PTBP3: variants seen among roughly 807,000 people sequenced by gnomAD.
PTBP3 encodes polypyrimidine tract binding protein 3, also known as polypyrimidine tract-binding protein 3.
In PTBP3, 20 loss-of-function variants were observed where a neutral mutation model predicts 58.7. The observed-to-expected ratio is 0.34, with a 90% CI of 0.24 to 0.50. The LOEUF (loss-of-function observed/expected upper bound fraction) is 0.50. PTBP3 is among the 20% of genes least tolerant of loss of function. The pLI is 0.98. For synonymous variants in PTBP3, 185 were observed against 219.8 expected, an observed-to-expected ratio of 0.84 and a Z score of 1.40; for missense variants, 509 against 637.2, an observed-to-expected ratio of 0.80 and a Z score of 2.17.
At chr9:112,340,608 T>C in the PTBP3 span, among the ~76,000 whole-genome samples, 129,162 of 152,222 alleles carry the variant, frequency 0.85, 55,229 homozygotes, top group African/African-American at 0.95. Flanking sequence ...TAGGGCCGGG[T>C]GCAGTGGCTC....
At chr9:112,319,953 A>T (rs1015881804) in intron 1 of PTBP3, among the ~76,000 whole-genome samples, 5 of 152,184 alleles carry the variant, frequency 3.3e-5, no homozygotes, top group African/African-American at 1.2e-4. Flanking sequence ...GATCCCACTT[A>T]CACGCAGAAT....
intron 2 of PTBP3, among the ~76,000 whole-genome samples, chr9:112,295,533 T>C (rs10981347): frequency 2.0e-5 from 3 of 148,944 alleles, no homozygotes; most frequent in Non-Finnish European, 4.4e-5. Flanking sequence ...CTAGCTATAA[T>C]GAAGAACAGA....
At chr9:112,257,669 G>A (rs1297571124) in intron 5 of PTBP3, among the ~76,000 whole-genome samples, 2 of 152,198 alleles carry the variant, frequency 1.3e-5, no homozygotes, top group African/African-American at 4.8e-5. Context: ...GCGAGGCGCA[G>A]TGGCTCATGC....
intron 1 of PTBP3, among the ~76,000 whole-genome samples, chr9:112,322,152 A>AG (rs1829980084): frequency 6.6e-6 from 1 of 151,500 alleles, no homozygotes; most frequent in South Asian, 2.1e-4. Flanking sequence ...AAAAAAAAAA[A>AG]AAAAGAAAGG....
chr9:112,264,417 T>C lies in PTBP3; in HGVS notation c.352-1818A>G, dbSNP rs1054327909. On this transcript the variant is annotated intron_variant, in intron 4 of 13. Transcript: ENST00000374257. ...GCTGTATCTCAGAATATGACCTAAA[T>C]TTTACAGTTGTGACTTTAGTTTAAA... Among the ~76,000 whole-genome samples the C allele has an allele frequency of 5.9e-5, 9 of 152,198 alleles. No homozygotes were observed. In the East Asian group the frequency reaches 1.5e-3, roughly 26 times the overall value.
In PTBP3 at chr9:112,220,134, T is replaced by C; in HGVS notation, c.*3717A>G. 3 of 1,294,430 alleles carry C rather than the reference T, an allele frequency of 2.3e-6. No homozygotes were observed. The highest frequency in any genetic ancestry group is 3.0e-6 in the Non-Finnish European group (3 of 991,390). The allele number at this position is 1,294,430 out of a possible 1,614,324, so 80.2% of individuals were successfully genotyped here. On this transcript the variant is annotated 3_prime_UTR_variant, in exon 14 of 14. Coordinates refer to ENST00000374257, the MANE Select transcript of PTBP3 (RefSeq NM_001163788.4). ...TAAAAATAGCAGTACACATTAGGTT[T>C]TCTAAGGGATAGGTGGGGAAAAACA...
At chr9:112,256,532 A>AT (rs945757772) in intron 5 of PTBP3, among the ~76,000 whole-genome samples, 12 of 150,812 alleles carry the variant, frequency 8.0e-5, no homozygotes, top group Non-Finnish European at 1.5e-4. Flanking sequence ...GCAATATGCA[A>AT]TTTTTTTTTC....
At chr9:112,250,810 T>C in intron 7 of PTBP3, 119 bp downstream of exon 7, 1 of 1,030,624 alleles carries the variant, frequency 9.7e-7, no homozygotes, top group Non-Finnish European at 1.3e-6. Context: ...GATTCTTGCT[T>C]TCCTTTATAA....
chr9:112,263,519 G>A (rs1380608120), intron 4 of PTBP3, among the ~76,000 whole-genome samples: 1 of 152,148 alleles, frequency 6.6e-6, no homozygotes, highest in Non-Finnish European at 1.5e-5. Flanking sequence ...GAATCACAAG[G>A]AAACATCAGA....
At chr9:112,305,533 G>A (rs1331223677) in intron 1 of PTBP3, among the ~76,000 whole-genome samples, 2 of 152,138 alleles carry the variant, frequency 1.3e-5, no homozygotes, top group Non-Finnish European at 2.9e-5. Flanking sequence ...CTGATGCTGG[G>A]GAAGTAATGT....
At chr9:112,278,220 A>G (rs1260692323) in intron 2 of PTBP3, among the ~76,000 whole-genome samples, 1 of 152,210 alleles carries the variant, frequency 6.6e-6, no homozygotes, top group African/African-American at 2.4e-5. Context: ...GACACTGACA[A>G]TGTAAATTTA....
At chr9:112,315,350 A>T (rs1829659675) in intron 1 of PTBP3, among the ~76,000 whole-genome samples, 1 of 152,194 alleles carries the variant, frequency 6.6e-6, no homozygotes, top group African/African-American at 2.4e-5. Flanking sequence ...AAATATTTAT[A>T]AATTAAACAC....
intron 1 of PTBP3, chr9:112,330,427 T>C: frequency 6.7e-7 from 1 of 1,493,082 alleles, no homozygotes; most frequent in Non-Finnish European, 9.2e-7. Flanking sequence ...GAAAGGATAG[T>C]AAAAGATTCC....
At chr9:112,332,806 T>A (rs1183030430) in intron 1 of PTBP3, 1 of 1,612,598 alleles carries the variant, frequency 6.2e-7, no homozygotes, top group Admixed American at 1.7e-5. Flanking sequence ...TTCATTAAGT[T>A]TCTTGGGGAG....
intron 1 of PTBP3, among the ~76,000 whole-genome samples, chr9:112,305,755 AC>A (rs1271419931): frequency 5.9e-5 from 9 of 152,244 alleles, no homozygotes; most frequent in South Asian, 2.1e-4. Flanking sequence ...CCTGGCTGAC[AC>A]GGTGTAACCC....
At chr9:112,338,272 A>G (rs1359625853), upstream of PTBP3, among the ~76,000 whole-genome samples, 4 of 151,482 alleles carry the variant, frequency 2.6e-5, no homozygotes, top group African/African-American at 9.7e-5. Flanking sequence ...TGGTTATACA[A>G]ATCTACACAT....
At position 112,280,421 on chromosome 9, in the gene PTBP3, T is replaced by C. The variant is rs79551358; in HGVS notation, c.35-4408A>G. Reference sequence around the variant, plus strand: ...TAGCCAGGATTTTCTGTCTGCAAAATGTTGAATAGAATCAATAAGACTAGG... The same window carrying C: ...TAGCCAGGATTTTCTGTCTGCAAAACGTTGAATAGAATCAATAAGACTAGG... On this transcript the variant is annotated intron_variant, in intron 2 of 13. Coordinates refer to ENST00000374257, the MANE Select transcript of PTBP3 (RefSeq NM_001163788.4). Among the ~76,000 whole-genome samples, 570 of 152,284 alleles carry C rather than the reference T, an allele frequency of 3.7e-3. 4 individuals carry two copies. The highest frequency in any genetic ancestry group is 0.013 in the African/African-American group (551 of 41,558).
At chr9:112,354,938 G>A in the PTBP3 span, among the ~76,000 whole-genome samples, 29 of 152,118 alleles carry the variant, frequency 1.9e-4, no homozygotes, top group Admixed American at 6.6e-5. Context: ...CGTGGAAAAC[G>A]TACATGTACT....
At chr9:112,267,874 A>G (rs548023166) in intron 4 of PTBP3, among the ~76,000 whole-genome samples, 175 bp downstream of exon 4, 77 of 152,208 alleles carry the variant, frequency 5.1e-4, no homozygotes, top group Non-Finnish European at 9.6e-4. Flanking sequence ...CTATTTCTAA[A>G]TGGCACTGCT....
Sources: gnomAD v4.1 joint callset for allele counts (sites outside exome capture counted in the v4.1 genomes callset) on GRCh38, gnomAD v4.1.1 for gene constraint, MANE v1.5 for transcripts, NCBI Gene and HGNC (gene_info 2026-07-23, HGNC 2026-07-21) for gene names.